DNAAF11: variants seen among roughly 807,000 people sequenced by gnomAD.
DNAAF11 encodes dynein axonemal assembly factor 11.
Under a neutral mutation model 60.8 loss-of-function variants are expected in DNAAF11, and 45 were observed. That is an observed-to-expected ratio of 0.74 (90% CI 0.58 to 0.95). The LOEUF is 0.95. Ranked by LOEUF, DNAAF11 falls within the 40% of genes least tolerant of loss-of-function variation. The pLI is 0.00. For synonymous variants in DNAAF11, 191 were observed against 183.5 expected, an observed-to-expected ratio of 1.04 and a Z score of -0.33; for missense variants, 546 against 546.2, an observed-to-expected ratio of 1.00 and a Z score of 0.00.
chr8:132,644,436 T>A (rs1822158828), intron 3 of DNAAF11, among the ~76,000 whole-genome samples: 1 of 151,962 alleles, frequency 6.6e-6, no homozygotes, highest in Non-Finnish European at 1.5e-5. Context: ...AGAAGACAGG[T>A]GATTTCTGCA....
At chr8:132,657,490 T>C (rs1416142071) in intron 2 of DNAAF11, among the ~76,000 whole-genome samples, 2 of 152,222 alleles carry the variant, frequency 1.3e-5, no homozygotes, top group Non-Finnish European at 2.9e-5. Flanking sequence ...TGACTGACTC[T>C]GGAGTCTGCT....
intron 2 of DNAAF11, 151 bp downstream of exon 2, chr8:132,661,309 G>A (rs1403506761): frequency 3.3e-5 from 21 of 643,174 alleles, no homozygotes; most frequent in South Asian, 1.1e-4. Context: ...TCAGGGAAAC[G>A]CCCCCCACAC....
Position 132,583,677 on chromosome 8 carries a change from G to A in DNAAF11, c.1226+17C>T, listed in dbSNP as rs757028380. On this transcript the variant is annotated intron_variant, in intron 11 of 11. Coordinates refer to ENST00000620350, the MANE Select transcript of DNAAF11 (RefSeq NM_012472.6). ...GAACAATATAATACAGCTAAGGACA[G>A]TCTGGGAGGGTGGTACCTTGTATTT... is the stretch of plus-strand genomic sequence containing the variant. 5 of 1,601,252 alleles carry A rather than the reference G, an allele frequency of 3.1e-6. No homozygotes were observed. The highest frequency in any genetic ancestry group is 1.3e-5 in the African/African-American group (1 of 74,644).
chr8:132,583,582 A>C, intron 11 of DNAAF11, 112 bp downstream of exon 11: 2 of 776,632 alleles, frequency 2.6e-6, no homozygotes, highest in Non-Finnish European at 4.4e-6. Flanking sequence ...CATGGTATGA[A>C]TCATCTCAGA....
At position 132,642,290 on chromosome 8, in the gene DNAAF11, G is replaced by T. The variant is rs1159929335; in HGVS notation, c.257-4183C>A. 2.0e-5 allele frequency among the ~76,000 whole-genome samples: 3 copies of T among 152,200 alleles called. No individual in the cohort carries two copies. The South Asian group carries it at 6.2e-4, about 31-fold the overall frequency. On this transcript the variant is annotated intron_variant, in intron 3 of 11. Coordinates refer to ENST00000620350, the MANE Select transcript of DNAAF11 (RefSeq NM_012472.6). ...CAATCCTAACATCATGCTTATGAGA[G>T]AAATATCACAATTACTATCTTTATT...
chr8:132,661,194 G>A (rs1824094297), intron 2 of DNAAF11, among the ~76,000 whole-genome samples: 1 of 152,034 alleles, frequency 6.6e-6, no homozygotes, highest in East Asian at 1.9e-4. Context: ...CAGGTCTGAT[G>A]TGTTCTCTGT....
Position 132,613,406 on chromosome 8 carries a change from T to C in DNAAF11, c.974+1632A>G, listed in dbSNP as rs4295644. ...ACATGGATGAGGCTTGAAGACATTA[T>C]GGTAAGTGAAAGAAGCCAGACACAA... On this transcript the variant is annotated intron_variant, in intron 8 of 11. Transcript: ENST00000620350. Among the ~76,000 whole-genome samples the C allele has an allele frequency of 4.2e-3, 645 of 152,280 alleles. 2 individuals are homozygous for C. Among genetic ancestry groups the C allele is most frequent in the African/African-American group, 0.014 (601 of 41,578 alleles).
intron 3 of DNAAF11, among the ~76,000 whole-genome samples, chr8:132,647,258 G>A (rs1464046846): frequency 2.6e-5 from 4 of 152,070 alleles, no homozygotes; most frequent in East Asian, 1.9e-4. Flanking sequence ...GGTACATAAC[G>A]AAATGAAGGC....
chr8:132,687,596 A>G, the DNAAF11 span: 1 of 456,018 alleles, frequency 2.2e-6, no homozygotes, highest in Admixed American at 2.4e-5. Context: ...CAGGTGCTGC[A>G]AGCTTCCTGT....
At chr8:132,682,186 A>G in the DNAAF11 span, among the ~76,000 whole-genome samples, 1 of 152,224 alleles carries the variant, frequency 6.6e-6, no homozygotes, top group African/African-American at 2.4e-5. Flanking sequence ...ACACTAAGTC[A>G]TCTGCCAAAC....
chr8:132,596,349 T>C (rs1817017734), intron 10 of DNAAF11, among the ~76,000 whole-genome samples: 1 of 152,192 alleles, frequency 6.6e-6, no homozygotes, highest in Non-Finnish European at 1.5e-5. Context: ...AGAGCAAATC[T>C]AACTATCAAC....
Position 132,571,359 on chromosome 8 carries a change from A to G in DNAAF11, c.*947T>C, listed in dbSNP as rs1443303756. ...TGGGGAAACTGACTTAAATGTTGCT[A>G]TATCATGATCAGAGTAACAGTAATT... On this transcript the variant is annotated 3_prime_UTR_variant, in exon 12 of 12. Transcript: ENST00000620350. 1.3e-5 allele frequency among the ~76,000 whole-genome samples: 2 copies of G among 152,204 alleles called. No homozygotes were observed. The highest frequency in any genetic ancestry group is 6.5e-5 in the Admixed American group (1 of 15,282).
At chr8:132,605,015 A>G (rs963001642) in intron 10 of DNAAF11, among the ~76,000 whole-genome samples, 5 of 152,198 alleles carry the variant, frequency 3.3e-5, no homozygotes, top group Admixed American at 2.0e-4. Flanking sequence ...AATTGATATT[A>G]TTTAATAATA....
chr8:132,655,515 TGAAAA>T (rs1823463096), intron 3 of DNAAF11, among the ~76,000 whole-genome samples: 1 of 152,050 alleles, frequency 6.6e-6, no homozygotes, highest in African/African-American at 2.4e-5. Context: ...TCATGAAAGT[TGAAAA>T]GAAAACCCAC....
chr8:132,679,791 C>T (rs1254690021), upstream of DNAAF11, among the ~76,000 whole-genome samples: 2 of 152,172 alleles, frequency 1.3e-5, no homozygotes, highest in East Asian at 1.9e-4. Flanking sequence ...CTGACATCCA[C>T]GTAAGACATG....
upstream of DNAAF11, among the ~76,000 whole-genome samples, chr8:132,680,525 T>C (rs1452840806): frequency 2.0e-5 from 3 of 152,132 alleles, no homozygotes; most frequent in Non-Finnish European, 4.4e-5. Flanking sequence ...TTTTATGATA[T>C]GTAACCAATA....
At chr8:132,681,763 T>C in the DNAAF11 span, among the ~76,000 whole-genome samples, 1 of 152,240 alleles carries the variant, frequency 6.6e-6, no homozygotes, top group Non-Finnish European at 1.5e-5. Flanking sequence ...TGCAAACTTC[T>C]GCCCATCTCC....
intron 1 of DNAAF11, among the ~76,000 whole-genome samples, chr8:132,667,247 T>A (rs1288551458): frequency 3.3e-5 from 5 of 152,230 alleles, no homozygotes; most frequent in Non-Finnish European, 1.5e-5. Flanking sequence ...TACGTAGATT[T>A]GGGCAAAACT....
intron 3 of DNAAF11, among the ~76,000 whole-genome samples, chr8:132,647,560 C>T (rs1377543859): frequency 6.6e-6 from 1 of 152,140 alleles, no homozygotes; most frequent in Non-Finnish European, 1.5e-5. Flanking sequence ...TTCAAAAAAT[C>T]AATGAATCCA....
Sources: allele counts gnomAD v4.1 joint callset (sites outside exome capture counted in the v4.1 genomes callset), GRCh38; gene constraint gnomAD v4.1.1; transcripts MANE v1.5; gene names NCBI Gene and HGNC (gene_info 2026-07-23, HGNC 2026-07-21).